Variants in DRC7 observed in about 807,000 individuals in gnomAD.
DRC7 encodes coiled-coil domain containing 135.
DRC7 carries 80 observed loss-of-function variants against 104.4 expected under a neutral mutation model. The observed-to-expected ratio is 0.77, with a 90% CI of 0.64 to 0.92. The LOEUF (loss-of-function observed/expected upper bound fraction) is 0.92. Ranked by LOEUF, DRC7 falls within the 40% of genes least tolerant of loss-of-function variation. The pLI is 0.00. For missense variants in DRC7, 1,034 were observed against 1,141.1 expected, an observed-to-expected ratio of 0.91 and a Z score of 1.35; for synonymous variants, 405 against 447.3, an observed-to-expected ratio of 0.91 and a Z score of 1.19.
chr16:57,717,355 C>T (rs1432419510), intron 8 of DRC7, among the ~76,000 whole-genome samples: 1 of 148,460 alleles, frequency 6.7e-6, no homozygotes, highest in Admixed American at 6.7e-5. Context: ...CTGCCTCAGC[C>T]TCCCAAGTAG....
intron 17 of DRC7, 145 bp from the exon 18 acceptor site, chr16:57,730,786 C>CT: frequency 5.0e-6 from 4 of 798,744 alleles, no homozygotes; most frequent in Non-Finnish European, 8.0e-6. Context: ...GCCTCTGTGG[C>CT]AGGTATGGAT....
At chr16:57,721,406 A>G (rs1383954928) in intron 9 of DRC7, among the ~76,000 whole-genome samples, 1 of 151,998 alleles carries the variant, frequency 6.6e-6, no homozygotes. Flanking sequence ...CTCCAGAAAC[A>G]CCTCTCTAAT....
intron 6 of DRC7, 75 bp downstream of exon 6, chr16:57,702,205 C>A: frequency 6.7e-7 from 1 of 1,496,154 alleles, no homozygotes; most frequent in Non-Finnish European, 9.1e-7. Flanking sequence ...TCCTTAGAGA[C>A]GTCCATCACT....
rs763592940 is a variant in DRC7 at position 57,707,466 on chromosome 16, G to A, written c.865G>A (p.Glu289Lys). ...REEEERLMEA[E>K]KAKPDALHGL... The stretch of plus-strand genomic sequence containing the variant: ...ACCCACCTTTCCTTGGCAGGAAGCG[G>A]AGAAGGCAAAGCCGGATGCCCTGCA... The change falls in exon 8 of 19, where the codon GAG (glutamate) becomes AAG (lysine). Residue 289 changes from glutamate to lysine, a missense_variant. Coordinates refer to ENST00000360716, the MANE Select transcript of DRC7 (RefSeq NM_001289162.2). 2.8e-5 allele frequency: 45 copies of A among 1,611,498 alleles called. No homozygotes were observed. The highest frequency in any genetic ancestry group is 3.7e-5 in the Non-Finnish European group (44 of 1,178,792).
At position 57,726,981 on chromosome 16, in the gene DRC7, T is replaced by G. The variant is rs769584097; in HGVS notation, c.2085+39T>G. ...GGAGAGTGAGCAGGTGGGCGGTATC[T>G]TTGTTTTTGAGATAGGGTCTCGCTC... On this transcript the variant is annotated intron_variant, in intron 15 of 18. Transcript: ENST00000360716. 4 of 1,313,164 alleles carry G rather than the reference T, an allele frequency of 3.0e-6. No homozygotes were observed. In the South Asian group the frequency reaches 3.6e-5, roughly 12 times the overall value. 81.3% of individuals were successfully genotyped at this position (1,313,164 alleles called of 1,614,324 possible).
Position 57,727,398 on chromosome 16 carries a change from C to T in DRC7, c.2185C>T (p.Arg729Trp), listed in dbSNP as rs979729729. 6.8e-6 allele frequency: 11 copies of T among 1,612,348 alleles called. No homozygotes were observed. Among genetic ancestry groups the T allele is most frequent in the African/African-American group, 1.3e-5 (1 of 74,898 alleles). ...GCGGAATGAGAAGAGCAAGGAATAT[C>T]GGGAGGCCATGGTCAGTCCCAATCC... Reference protein sequence around the residue: ...TKRNEKSKEYREAMERMMHEE... With the variant: ...TKRNEKSKEYWEAMERMMHEE... Residue 729 changes from arginine to tryptophan, a missense_variant, in exon 16 of 19, where the codon CGG becomes TGG. Physicochemically the swap from Arg to Trp is moderately radical, Grantham distance 101. Coordinates refer to ENST00000360716, the MANE Select transcript of DRC7 (RefSeq NM_001289162.2).
At chr16:57,711,902 G>T (rs1217414583) in intron 8 of DRC7, among the ~76,000 whole-genome samples, 1 of 152,172 alleles carries the variant, frequency 6.6e-6, no homozygotes, top group South Asian at 2.1e-4. Flanking sequence ...ATCTGGTGGT[G>T]CCATCTGATC....
intron 5 of DRC7, among the ~76,000 whole-genome samples, chr16:57,700,743 T>C (rs1010118640): frequency 6.7e-6 from 1 of 149,962 alleles, no homozygotes; most frequent in African/African-American, 2.5e-5. Flanking sequence ...CAAGATTGGG[T>C]GTCTGATAGG....
chr16:57,713,141 G>A (rs1437789892), intron 8 of DRC7, among the ~76,000 whole-genome samples: 4 of 152,182 alleles, frequency 2.6e-5, no homozygotes, highest in African/African-American at 9.7e-5. Context: ...AATATGGTCT[G>A]TCTAGGAAAT....
intron 4 of DRC7, among the ~76,000 whole-genome samples, chr16:57,699,342 C>T (rs1424943200): frequency 1.3e-5 from 2 of 152,190 alleles, no homozygotes; most frequent in Non-Finnish European, 2.9e-5. Context: ...GTGGGAGTCT[C>T]TGGTTTTTAA....
At chr16:57,726,343 C>A in intron 14 of DRC7, 60 bp downstream of exon 14, 1 of 1,423,238 alleles carries the variant, frequency 7.0e-7, no homozygotes, top group Non-Finnish European at 9.9e-7. Context: ...GGCTCTCTGT[C>A]TTATTCCAGC....
chr16:57,706,149 C>A, intron 7 of DRC7, among the ~76,000 whole-genome samples: 1 of 147,092 alleles, frequency 6.8e-6, no homozygotes. Flanking sequence ...TCTTCCCATC[C>A]ACCCATCTTC....
intron 7 of DRC7, 31 bp downstream of exon 7, chr16:57,705,065 C>T (rs1263207935): frequency 1.9e-6 from 3 of 1,603,584 alleles, no homozygotes; most frequent in Non-Finnish European, 2.6e-6. Flanking sequence ...CCCCTGGGCT[C>T]AGCTATCGAG....
chr16:57,730,355 G>A (rs2049047425), intron 17 of DRC7, among the ~76,000 whole-genome samples: 1 of 151,144 alleles, frequency 6.6e-6, no homozygotes, highest in African/African-American at 2.4e-5. Context: ...ACGGTTGGAT[G>A]GGCGAGTGGA....
intron 8 of DRC7, among the ~76,000 whole-genome samples, chr16:57,716,460 G>A (rs2967133): frequency 0.1 from 15,339 of 148,590 alleles, 1,029 homozygotes; most frequent in African/African-American, 0.2. Context: ...CCGAGATCAT[G>A]CCACTGCACT....
chr16:57,696,949 G>C (rs1185849140), intron 2 of DRC7, among the ~76,000 whole-genome samples: 4 of 152,142 alleles, frequency 2.6e-5, no homozygotes, highest in African/African-American at 9.7e-5. Flanking sequence ...GTCTCACTCT[G>C]TCACCCAGGC....
At position 57,717,402 on chromosome 16, in the gene DRC7, A is replaced by AG. The variant is rs1491275211; in HGVS notation, c.1078-945_1078-944insG. Among the ~76,000 whole-genome samples, 3 of 64,284 alleles carry AG rather than the reference A, an allele frequency of 4.7e-5. No individual in the cohort carries two copies. In the South Asian group the frequency reaches 1.1e-3, roughly 25 times the overall value. 42.2% of individuals were successfully genotyped at this position (64,284 alleles called of 152,430 possible). ...GGTGCATAACACCATGCACTGGCTT[A>AG]AAAAAAAAAAAAAAGGCCAGGCACG... On this transcript the variant is annotated intron_variant, in intron 8 of 18. Coordinates refer to ENST00000360716, the MANE Select transcript of DRC7 (RefSeq NM_001289162.2).
At chr16:57,714,683 G>T in intron 8 of DRC7, 1 of 227,748 alleles carries the variant, frequency 4.4e-6, no homozygotes, top group East Asian at 1.2e-4. Flanking sequence ...GTTTCTATCG[G>T]GAATGAAATG....
At chr16:57,729,143 T>G (rs531027025) in intron 17 of DRC7, among the ~76,000 whole-genome samples, 1 of 126,064 alleles carries the variant, frequency 7.9e-6, no homozygotes, top group South Asian at 2.5e-4. Context: ...GATGAATGGA[T>G]GGATGGGTGG....
Sources: gnomAD v4.1 joint callset for allele counts (sites outside exome capture counted in the v4.1 genomes callset) on GRCh38, gnomAD v4.1.1 for gene constraint, MANE v1.5 for transcripts, NCBI Gene and HGNC (gene_info 2026-07-23, HGNC 2026-07-21) for gene names.